Variants in XYLT1 observed in about 807,000 individuals in gnomAD.
The protein encoded by XYLT1 is xylosyltransferase 1, also known as beta-D-xylosyltransferase 1.
A neutral mutation model predicts 91.3 loss-of-function variants in XYLT1; 36 were observed. The ratio of observed to expected loss-of-function variants is 0.39; its 90% CI spans 0.30 to 0.52. XYLT1 has a LOEUF of 0.52. XYLT1 is among the 20% of genes least tolerant of loss of function. XYLT1 has a pLI of 0.68. For missense variants in XYLT1, 1,242 were observed against 1,284.5 expected, an observed-to-expected ratio of 0.97 and a Z score of 0.51; for synonymous variants, 588 against 532.0, an observed-to-expected ratio of 1.11 and a Z score of -1.45.
rs145637735 is a variant in XYLT1, at chr16:17,272,033, G to T, written c.403-12535C>A. On this transcript the variant is annotated intron_variant, in intron 2 of 11. Transcript: ENST00000261381. ...GAGAAATGGCAGCTGCATGAGGAAA[G>T]CGGGAGAAGTTAGGGTTCCCGCTAG... Among the ~76,000 whole-genome samples, 388 of 152,212 alleles carry T rather than the reference G, an allele frequency of 2.5e-3. 3 individuals are homozygous for T. Among genetic ancestry groups the T allele is most frequent in the African/African-American group, 8.8e-3 (364 of 41,534 alleles).
At chr16:17,208,740 G>T (rs8054477) in intron 3 of XYLT1, among the ~76,000 whole-genome samples, 81,262 of 151,434 alleles carry the variant, frequency 0.54, 23,096 homozygotes, top group South Asian at 0.73. Flanking sequence ...AGCCTTTTTT[G>T]GTTCGAGATG....
chr16:17,354,842 C>T (rs546264646), intron 2 of XYLT1: 1 of 152,328 alleles, frequency 6.6e-6, no homozygotes, highest in East Asian at 1.9e-4. Context: ...AACAGGATCC[C>T]ATCATTCACC....
chr16:17,192,039 G>T (rs1392360614), intron 5 of XYLT1, among the ~76,000 whole-genome samples: 1 of 149,682 alleles, frequency 6.7e-6, no homozygotes, highest in Non-Finnish European at 1.5e-5. Context: ...TTTGCCCCAA[G>T]ACACCGGACT....
intron 10 of XYLT1, among the ~76,000 whole-genome samples, chr16:17,126,870 G>T (rs9926002): frequency 2.0e-5 from 3 of 151,954 alleles, no homozygotes; most frequent in Admixed American, 1.3e-4. Flanking sequence ...ACTACATACT[G>T]TCTGTGTGCT....
At chr16:17,377,525 C>T (rs1415689847) in intron 1 of XYLT1, among the ~76,000 whole-genome samples, 1 of 152,106 alleles carries the variant, frequency 6.6e-6, no homozygotes, top group Non-Finnish European at 1.5e-5. Context: ...ATTTAGCTCA[C>T]TCCCCAAGAA....
chr16:17,381,727 G>A (rs201676873), intron 1 of XYLT1, among the ~76,000 whole-genome samples: 5 of 152,018 alleles, frequency 3.3e-5, no homozygotes, highest in South Asian at 2.1e-4. Context: ...GTGCCTGGTC[G>A]CAATATCTTA....
intron 10 of XYLT1, among the ~76,000 whole-genome samples, chr16:17,124,061 A>G (rs913491703): frequency 2.6e-5 from 4 of 152,188 alleles, no homozygotes; most frequent in Non-Finnish European, 5.9e-5. Flanking sequence ...GACAGCAGAC[A>G]CTTGGTTGGT....
At chr16:17,143,118 G>A (rs969568517) in intron 6 of XYLT1, among the ~76,000 whole-genome samples, 17 of 152,124 alleles carry the variant, frequency 1.1e-4, no homozygotes, top group African/African-American at 3.1e-4. Context: ...TCCCAGAGCT[G>A]GTGACGTGGG....
intron 1 of XYLT1, among the ~76,000 whole-genome samples, chr16:17,379,257 C>A (rs1185563887): frequency 8.5e-5 from 13 of 152,352 alleles, no homozygotes. Context: ...AGTTAGCTCA[C>A]CCTAAAGACT....
chr16:17,160,310 T>C (rs1250555617), intron 5 of XYLT1, among the ~76,000 whole-genome samples: 1 of 152,198 alleles, frequency 6.6e-6, no homozygotes, highest in East Asian at 1.9e-4. Flanking sequence ...GCACAATCAA[T>C]GCACGTCGTC....
intron 1 of XYLT1, among the ~76,000 whole-genome samples, chr16:17,404,416 C>A (rs1166487998): frequency 1.3e-5 from 2 of 152,180 alleles, no homozygotes; most frequent in Non-Finnish European, 2.9e-5. Context: ...GTAACTGACA[C>A]ACGTCAACAA....
chr16:17,321,833 C>A (rs1373775417), intron 2 of XYLT1, among the ~76,000 whole-genome samples: 2 of 152,052 alleles, frequency 1.3e-5, no homozygotes, highest in Non-Finnish European at 2.9e-5. Context: ...AACCCCTGCA[C>A]ACAAAAAATG....
intron 2 of XYLT1, among the ~76,000 whole-genome samples, chr16:17,336,548 A>G (rs1447069100): frequency 6.6e-6 from 1 of 152,158 alleles, no homozygotes; most frequent in Non-Finnish European, 1.5e-5. Flanking sequence ...GTGGATATGG[A>G]TGCGTGTACA....
At position 17,129,072 on chromosome 16, in the gene XYLT1, GAAAAAAAAAAAAA is replaced by G. The variant is rs34234422; in HGVS notation, c.2028-1224_2028-1212del. ...ACTGGGATGCCTTCCAGGGAGCATA[GAAAAAAAAAAAAA>G]AAAAAAAAAAAACTTGAACAGTCTT... On this transcript the variant is annotated intron_variant, in intron 9 of 11. Coordinates refer to ENST00000261381, the MANE Select transcript of XYLT1 (RefSeq NM_022166.4). 8.5e-4 allele frequency among the ~76,000 whole-genome samples: 81 copies of G among 95,214 alleles called. 1 individual carries two copies. Among genetic ancestry groups the G allele is most frequent in the African/African-American group, 3.3e-3 (75 of 22,532 alleles). 62.5% of individuals were successfully genotyped at this position (95,214 alleles called of 152,430 possible). A position where few individuals can be genotyped will look rare whatever the true frequency, so the allele number is the denominator to read the frequency against.
chr16:17,329,617 A>C (rs1393966303), intron 2 of XYLT1, among the ~76,000 whole-genome samples: 2 of 152,208 alleles, frequency 1.3e-5, no homozygotes, highest in Non-Finnish European at 1.5e-5. Flanking sequence ...TGATAAGGAA[A>C]TAAACACTCA....
At chr16:17,123,926 T>C (rs961346349) in intron 10 of XYLT1, among the ~76,000 whole-genome samples, 1 of 152,140 alleles carries the variant, frequency 6.6e-6, no homozygotes, top group African/African-American at 2.4e-5. Flanking sequence ...GCTTTAAAGT[T>C]TTGTTTTGTC....
intron 1 of XYLT1, among the ~76,000 whole-genome samples, chr16:17,362,275 G>C (rs1474023762): frequency 6.6e-6 from 1 of 151,838 alleles, no homozygotes; most frequent in Non-Finnish European, 1.5e-5. Flanking sequence ...TTTTTAAAAA[G>C]GTAGCGGACA....
chr16:17,467,519 T>C (rs2036914118), intron 1 of XYLT1, among the ~76,000 whole-genome samples: 1 of 152,190 alleles, frequency 6.6e-6, no homozygotes, highest in South Asian at 2.1e-4. Flanking sequence ...ATAATTCTAA[T>C]ATTTAAGAGC....
chr16:17,113,431 C>T (rs939524650), intron 11 of XYLT1, among the ~76,000 whole-genome samples: 14 of 152,240 alleles, frequency 9.2e-5, no homozygotes, highest in Admixed American at 2.0e-4. Context: ...GCGTGAGCCA[C>T]TGCACCAGGC....
Sources: gnomAD v4.1 joint callset for allele counts (sites outside exome capture counted in the v4.1 genomes callset) on GRCh38, gnomAD v4.1.1 for gene constraint, MANE v1.5 for transcripts, NCBI Gene and HGNC (gene_info 2026-07-23, HGNC 2026-07-21) for gene names.